The following KHDRBS2 variants were observed in gnomAD, a reference collection of about 807,000 sequenced individuals.
KHDRBS2 encodes KH RNA binding domain containing, signal transduction associated 2.
A neutral mutation model predicts 44.3 loss-of-function variants in KHDRBS2; 26 were observed. The observed-to-expected ratio is 0.59, with a 90% CI of 0.43 to 0.81. The LOEUF (loss-of-function observed/expected upper bound fraction) is 0.81, where lower values mean the gene tolerates loss of function less well. Ranked by LOEUF, KHDRBS2 falls within the 40% of genes least tolerant of loss-of-function variation. The probability of loss-of-function intolerance (pLI) is 0.00; values close to 1 mark genes in which losing one functional copy is unlikely to be tolerated. For synonymous variants in KHDRBS2, 194 were observed against 151.1 expected, an observed-to-expected ratio of 1.28 and a Z score of -2.08; for missense variants, 476 against 433.1, an observed-to-expected ratio of 1.10 and a Z score of -0.88.
intron 2 of KHDRBS2, among the ~76,000 whole-genome samples, chr6:62,062,922 C>T (rs901448738): frequency 1.1e-3 from 160 of 149,172 alleles, no homozygotes; most frequent in South Asian, 2.1e-3. Context: ...ATCAAATAGA[C>T]GCAATAAAAA....
the KHDRBS2 span, among the ~76,000 whole-genome samples, chr6:61,554,480 C>A: frequency 1.2e-4 from 18 of 152,186 alleles, no homozygotes; most frequent in South Asian, 3.5e-3. Flanking sequence ...CTACACCTTT[C>A]AATTTTAAGG....
At chr6:62,118,715 G>C (rs1229820218) in intron 2 of KHDRBS2, among the ~76,000 whole-genome samples, 1 of 152,110 alleles carries the variant, frequency 6.6e-6, no homozygotes, top group Non-Finnish European at 1.5e-5. Flanking sequence ...AAAGCAGATT[G>C]GCAGAGTCTT....
At chr6:62,075,507 G>A (rs1796151080) in intron 2 of KHDRBS2, among the ~76,000 whole-genome samples, 1 of 151,874 alleles carries the variant, frequency 6.6e-6, no homozygotes, top group Non-Finnish European at 1.5e-5. Flanking sequence ...GCACTTTAAT[G>A]GCTTTAGTTT....
chr6:61,955,214 A>G (rs1272776251), intron 4 of KHDRBS2, among the ~76,000 whole-genome samples: 2 of 145,266 alleles, frequency 1.4e-5, no homozygotes, highest in Non-Finnish European at 3.0e-5. Context: ...ATATGTATAC[A>G]TATGTGTATA....
chr6:61,889,605 TG>T (rs1025158253), intron 6 of KHDRBS2, among the ~76,000 whole-genome samples: 2 of 38,548 alleles, frequency 5.2e-5, no homozygotes, highest in Non-Finnish European at 1.1e-4. Context: ...ATGGGGTGGG[TG>T]GGGGGGCAAT....
chr6:61,788,817 T>A (rs976120092), intron 6 of KHDRBS2, among the ~76,000 whole-genome samples: 1 of 151,102 alleles, frequency 6.6e-6, no homozygotes, highest in African/African-American at 2.4e-5. Context: ...TAGATTATAT[T>A]TATAAATATT....
At chr6:62,066,590 A>G (rs1024846680) in intron 2 of KHDRBS2, among the ~76,000 whole-genome samples, 2 of 151,630 alleles carry the variant, frequency 1.3e-5, no homozygotes, top group Non-Finnish European at 3.0e-5. Context: ...CAAATTAGAG[A>G]TGTTTGTTCT....
At chr6:61,773,328 C>T (rs1433179307) in intron 6 of KHDRBS2, among the ~76,000 whole-genome samples, 1 of 152,024 alleles carries the variant, frequency 6.6e-6, no homozygotes, top group Non-Finnish European at 1.5e-5. Flanking sequence ...TTAATGATCG[C>T]CATTCTAACT....
At chr6:61,797,775 A>C (rs2127588161) in intron 6 of KHDRBS2, among the ~76,000 whole-genome samples, 1 of 150,494 alleles carries the variant, frequency 6.6e-6, no homozygotes, top group Admixed American at 6.7e-5. Flanking sequence ...ATGTATATAT[A>C]TCGTATATAA....
intron 6 of KHDRBS2, among the ~76,000 whole-genome samples, chr6:61,868,632 G>A (rs999511603): frequency 1.3e-5 from 2 of 152,024 alleles, no homozygotes; most frequent in African/African-American, 2.4e-5. Context: ...GGCAGGGGTC[G>A]GGGGAAGGTC....
intron 6 of KHDRBS2, among the ~76,000 whole-genome samples, chr6:61,874,414 T>A (rs1201415126): frequency 2.0e-5 from 3 of 152,174 alleles, no homozygotes; most frequent in East Asian, 1.9e-4. Context: ...CTAACGTGTA[T>A]CAGGAATTAA....
chr6:61,580,329 G>A, the KHDRBS2 span, among the ~76,000 whole-genome samples: 1 of 152,094 alleles, frequency 6.6e-6, no homozygotes, highest in African/African-American at 2.4e-5. Flanking sequence ...CTAGCTAAAG[G>A]ATTGTAAAGG....
chr6:62,259,176 C>T (rs562127129), intron 1 of KHDRBS2, among the ~76,000 whole-genome samples: 2 of 151,972 alleles, frequency 1.3e-5, no homozygotes, highest in South Asian at 4.2e-4. Flanking sequence ...AAATGTATGG[C>T]CATTGTAAGA....
At chr6:61,848,491 G>A (rs9445493) in intron 6 of KHDRBS2, among the ~76,000 whole-genome samples, 4,819 of 27,898 alleles carry the variant, frequency 0.17, 412 homozygotes, top group African/African-American at 0.25. Context: ...ATATATATAT[G>A]TATATATATA....
intron 6 of KHDRBS2, among the ~76,000 whole-genome samples, chr6:61,738,872 A>G (rs1300721372): frequency 2.6e-5 from 4 of 151,944 alleles, no homozygotes; most frequent in East Asian, 1.9e-4. Flanking sequence ...AAATAATAGT[A>G]ATTCATCAGA....
At chr6:62,154,101 G>GC (rs1364375988) in intron 2 of KHDRBS2, among the ~76,000 whole-genome samples, 1 of 152,170 alleles carries the variant, frequency 6.6e-6, no homozygotes, top group African/African-American at 2.4e-5. Flanking sequence ...AATGGGGAAA[G>GC]CCAAGGAGAG....
At chr6:61,695,194 C>G (rs1767770640) in intron 8 of KHDRBS2, among the ~76,000 whole-genome samples, 1 of 150,848 alleles carries the variant, frequency 6.6e-6, no homozygotes, top group Admixed American at 6.7e-5. Context: ...TTTACCAAGT[C>G]TACTGAACCC....
the KHDRBS2 span, among the ~76,000 whole-genome samples, chr6:61,656,797 G>T: frequency 6.6e-6 from 1 of 151,994 alleles, no homozygotes; most frequent in Non-Finnish European, 1.5e-5. Context: ...TCAAGATGAC[G>T]TATATACCAT....
chr6:62,048,206 T>C (rs1788170022), intron 2 of KHDRBS2, among the ~76,000 whole-genome samples: 1 of 151,218 alleles, frequency 6.6e-6, no homozygotes, highest in African/African-American at 2.4e-5. Context: ...TTTTAAAAGC[T>C]ATATCTCTTC....
Sources: gnomAD v4.1 joint callset for allele counts (sites outside exome capture counted in the v4.1 genomes callset) on GRCh38, gnomAD v4.1.1 for gene constraint, MANE v1.5 for transcripts, NCBI Gene and HGNC (gene_info 2026-07-23, HGNC 2026-07-21) for gene names.